Variants in FUT8 observed in about 807,000 individuals in gnomAD.
The protein encoded by FUT8 is fucosyltransferase 8.
Under a neutral mutation model 71.3 loss-of-function variants are expected in FUT8, and 29 were observed. That is an observed-to-expected ratio of 0.41 (90% confidence interval 0.30 to 0.55). The LOEUF is 0.55. Ranked by LOEUF, FUT8 falls within the 20% of genes least tolerant of loss-of-function variation. The pLI is 0.34. For missense variants in FUT8, 544 were observed against 702.1 expected, an observed-to-expected ratio of 0.77 and a Z score of 2.55; for synonymous variants, 254 against 239.3, an observed-to-expected ratio of 1.06 and a Z score of -0.57.
chr14:65,493,813 A>G (rs1386601304), intron 2 of FUT8, among the ~76,000 whole-genome samples: 5 of 151,652 alleles, frequency 3.3e-5, no homozygotes, highest in Non-Finnish European at 7.4e-5. Context: ...TTTTTTTCTA[A>G]GTATGATAGT....
At chr14:65,598,840 G>T (rs189265649) in intron 3 of FUT8, among the ~76,000 whole-genome samples, 194 of 152,130 alleles carry the variant, frequency 1.3e-3, no homozygotes, top group Non-Finnish European at 1.4e-3. Flanking sequence ...TGCCAGGCTG[G>T]AGTGCAGTGG....
At chr14:65,512,420 C>T (rs1882408193) in intron 2 of FUT8, among the ~76,000 whole-genome samples, 1 of 152,162 alleles carries the variant, frequency 6.6e-6, no homozygotes, top group South Asian at 2.1e-4. Context: ...CTGCCTTGGC[C>T]TCCCAAAGTG....
chr14:65,735,434 G>A (rs1245152950), intron 10 of FUT8, among the ~76,000 whole-genome samples: 1 of 152,134 alleles, frequency 6.6e-6, no homozygotes, highest in African/African-American at 2.4e-5. Flanking sequence ...TATGAAGAAA[G>A]AGTGGTGCTG....
At chr14:65,364,983 C>A in the FUT8 span, among the ~76,000 whole-genome samples, 1 of 152,154 alleles carries the variant, frequency 6.6e-6, no homozygotes, top group African/African-American at 2.4e-5. Context: ...CAGTACATCC[C>A]AGGTACAGTG....
chr14:65,657,179 G>T (rs1409264081), intron 6 of FUT8, among the ~76,000 whole-genome samples: 1 of 152,094 alleles, frequency 6.6e-6, no homozygotes, highest in African/African-American at 2.4e-5. Context: ...AAAACCTTCT[G>T]CCTGCACAGC....
chr14:65,583,114 G>A (rs150459013), intron 3 of FUT8, among the ~76,000 whole-genome samples: 1 of 151,954 alleles, frequency 6.6e-6, no homozygotes, highest in Non-Finnish European at 1.5e-5. Context: ...AGATTTTATT[G>A]ATCTGCCTTT....
chr14:65,526,443 A>G (rs1462101249), intron 2 of FUT8, among the ~76,000 whole-genome samples: 36 of 151,838 alleles, frequency 2.4e-4, no homozygotes, highest in Admixed American at 2.3e-3. Context: ...CTTTATTTTG[A>G]GCCTACGTGT....
chr14:65,429,825 C>T (rs1416638851), intron 1 of FUT8, among the ~76,000 whole-genome samples: 5 of 134,066 alleles, frequency 3.7e-5, no homozygotes, highest in Admixed American at 2.6e-4. Flanking sequence ...GATTGTACCA[C>T]TGCGCTCCAG....
the FUT8 span, among the ~76,000 whole-genome samples, chr14:65,365,651 C>T: frequency 6.6e-6 from 1 of 152,092 alleles, no homozygotes; most frequent in Non-Finnish European, 1.5e-5. Flanking sequence ...GCACTCCCAC[C>T]AGCGCCATGA....
intron 1 of FUT8, among the ~76,000 whole-genome samples, chr14:65,423,557 C>T (rs1012770391): frequency 6.6e-6 from 1 of 152,134 alleles, no homozygotes; most frequent in Non-Finnish European, 1.5e-5. Context: ...CCACCGCGCC[C>T]GGCCTAAGTG....
chr14:65,383,265 CTTTTTTTTTTTTTTTTTT>C, the FUT8 span, among the ~76,000 whole-genome samples: 9 of 86,536 alleles, frequency 1.0e-4, no homozygotes, highest in African/African-American at 2.0e-4. Context: ...TTTTTCTTTT[CTTTTTTTTTTTTTTTTTT>C]TTTTTTTTTG....
chr14:65,517,637 A>G (rs1882802178), intron 2 of FUT8, among the ~76,000 whole-genome samples: 2 of 152,190 alleles, frequency 1.3e-5, no homozygotes, highest in Non-Finnish European at 2.9e-5. Context: ...AAATTAGATC[A>G]TGACATATCT....
chr14:65,361,392 CTACTAGAGACCTTGTAAGGATACT>C, the FUT8 span, among the ~76,000 whole-genome samples: 1 of 148,766 alleles, frequency 6.7e-6, no homozygotes, highest in Non-Finnish European at 1.5e-5. Flanking sequence ...ATGTAAGGAT[CTACTAGAGACCTTGTAAGGATACT>C]TACTAGGACT....
intron 2 of FUT8, among the ~76,000 whole-genome samples, chr14:65,471,575 G>A (rs2066147788): frequency 6.6e-6 from 1 of 151,982 alleles, no homozygotes; most frequent in African/African-American, 2.4e-5. Flanking sequence ...ACTGTTTCAA[G>A]TGTTCCTACT....
intron 6 of FUT8, among the ~76,000 whole-genome samples, chr14:65,653,941 A>T (rs1445811832): frequency 6.6e-6 from 1 of 152,250 alleles, no homozygotes; most frequent in African/African-American, 2.4e-5. Context: ...CGGAGACTTC[A>T]TTGCCAGCAG....
At chr14:65,537,077 T>C (rs1353066440) in intron 2 of FUT8, among the ~76,000 whole-genome samples, 1 of 151,790 alleles carries the variant, frequency 6.6e-6, no homozygotes, top group Non-Finnish European at 1.5e-5. Flanking sequence ...TTGAGATTCT[T>C]ATAGAGGTTT....
At chr14:65,537,192 A>G (rs1884374233) in intron 2 of FUT8, among the ~76,000 whole-genome samples, 1 of 151,580 alleles carries the variant, frequency 6.6e-6, no homozygotes, top group South Asian at 2.1e-4. Flanking sequence ...ATTGGCTTTT[A>G]GTGTTCTCCT....
intron 3 of FUT8, among the ~76,000 whole-genome samples, chr14:65,598,125 G>C (rs1888090360): frequency 1.3e-5 from 2 of 152,172 alleles, no homozygotes; most frequent in Non-Finnish European, 2.9e-5. Flanking sequence ...ACAGTAAGCT[G>C]TATTTGCACC....
intron 1 of FUT8, among the ~76,000 whole-genome samples, chr14:65,435,794 C>CTTT (rs58021056): frequency 1.5e-4 from 19 of 128,990 alleles, no homozygotes; most frequent in South Asian, 4.7e-4. Context: ...CTTTTTCTTT[C>CTTT]TTTTTTTTTT....
Sources: allele counts gnomAD v4.1 joint callset (sites outside exome capture counted in the v4.1 genomes callset), GRCh38; gene constraint gnomAD v4.1.1; transcripts MANE v1.5; gene names NCBI Gene and HGNC (gene_info 2026-07-23, HGNC 2026-07-21).